The following GLB1 variants were observed in gnomAD, a reference collection of about 807,000 sequenced individuals.
The protein encoded by GLB1 is beta-galactosidase.
In GLB1, 56 loss-of-function variants were observed where a neutral mutation model predicts 74.0. The ratio of observed to expected loss-of-function variants is 0.76; its 90% CI spans 0.61 to 0.94. The LOEUF (loss-of-function observed/expected upper bound fraction) is 0.94. Among genes scored for constraint, GLB1 ranks in the 40% least tolerant of loss-of-function variants. The pLI is 0.00. For missense variants in GLB1, 787 were observed against 845.5 expected (o/e 0.93, Z 0.86); for synonymous variants, 323 against 323.6 (o/e 1.00, Z 0.02).
At chr3:33,072,854 C>G in intron 1 of GLB1, 141 bp from the exon 2 acceptor site, 2 of 1,378,422 alleles carry the variant, frequency 1.5e-6, no homozygotes, top group Non-Finnish European at 2.0e-6. Context: ...TCTGAGCTAT[C>G]ATACAAACCA....
intron 10 of GLB1, chr3:33,030,764 G>A (rs1333706827): frequency 6.1e-6 from 6 of 985,210 alleles, no homozygotes; most frequent in African/African-American, 1.7e-5. Context: ...AATTTCTACA[G>A]TGACCCATTT....
intron 1 of GLB1, chr3:33,090,722 CT>C (rs1420074617): frequency 1.0e-6 from 1 of 985,268 alleles, no homozygotes; most frequent in Admixed American, 6.2e-5. Context: ...GAAATTTCTG[CT>C]GCAAAAATGT....
intron 6 of GLB1, among the ~76,000 whole-genome samples, chr3:33,055,186 G>A (rs1188260362): frequency 6.6e-6 from 1 of 152,168 alleles, no homozygotes; most frequent in Non-Finnish European, 1.5e-5. Flanking sequence ...CAGACTGGAG[G>A]GCCCATCTGC....
Position 32,997,178 on chromosome 3 carries a change from C to T in GLB1, c.1901G>A (p.Cys634Tyr). The T allele has an allele frequency of 1.1e-5, 18 of 1,614,158 alleles. No homozygotes were observed. The highest frequency in any genetic ancestry group is 1.5e-5 in the Non-Finnish European group (18 of 1,180,032). ...APCSSDDPEL[C>Y]AVTFVDRPVI... Reference sequence around the variant, plus strand: ...TGGCCTGTCCACGAACGTCACAGCACATAGTTCTGGATCATCACTGCTGCA... The same window carrying T: ...TGGCCTGTCCACGAACGTCACAGCATATAGTTCTGGATCATCACTGCTGCA... The change falls in exon 16 of 16, where the codon TGT (cysteine) becomes TAT (tyrosine). Residue 634 changes from cysteine to tyrosine, a missense_variant. Physicochemically the swap from Cys to Tyr is radical, Grantham distance 194. Coordinates refer to ENST00000307363, the MANE Select transcript of GLB1 (RefSeq NM_000404.4).
intron 15 of GLB1, among the ~76,000 whole-genome samples, chr3:33,000,924 C>T (rs1230910541): frequency 6.6e-6 from 1 of 152,134 alleles, no homozygotes; most frequent in Non-Finnish European, 1.5e-5. Context: ...GCTGCAGCCT[C>T]CTCACAGTCT....
chr3:32,982,454 T>C, the GLB1 span, among the ~76,000 whole-genome samples: 1 of 151,922 alleles, frequency 6.6e-6, no homozygotes, highest in South Asian at 2.1e-4. Context: ...CCTTTGCCCT[T>C]ATTACAGACA....
At chr3:33,015,297 C>T (rs761272798) in intron 14 of GLB1, among the ~76,000 whole-genome samples, 1 of 152,174 alleles carries the variant, frequency 6.6e-6, no homozygotes, top group Admixed American at 6.5e-5. Context: ...CAGGGAGGAC[C>T]ACACCCGAGT....
At chr3:33,032,216 T>C (rs1698078657) in intron 10 of GLB1, among the ~76,000 whole-genome samples, 1 of 152,188 alleles carries the variant, frequency 6.6e-6, no homozygotes, top group Admixed American at 6.5e-5. Flanking sequence ...GCTCCCCATG[T>C]GCAGTCTCAA....
chr3:33,014,391 GA>G (rs755911393), intron 14 of GLB1, 81 bp from the exon 15 acceptor site: 24 of 1,571,276 alleles, frequency 1.5e-5, no homozygotes, highest in Non-Finnish European at 2.1e-5. Flanking sequence ...AGGGAAATGG[GA>G]AAAGCAAACC....
At chr3:33,041,752 AACT>A (rs1255214611) in intron 10 of GLB1, among the ~76,000 whole-genome samples, 2 of 152,088 alleles carry the variant, frequency 1.3e-5, no homozygotes, top group Admixed American at 1.3e-4. Flanking sequence ...GAATTAATAT[AACT>A]TGCTTACTAA....
intron 9 of GLB1, among the ~76,000 whole-genome samples, chr3:33,047,574 T>C (rs1045320412): frequency 6.6e-6 from 1 of 152,214 alleles, no homozygotes; most frequent in Non-Finnish European, 1.5e-5. Flanking sequence ...GAGAATGAAG[T>C]TATTTTAGGA....
chr3:33,038,972 A>C (rs925164988), intron 10 of GLB1, among the ~76,000 whole-genome samples: 2 of 152,128 alleles, frequency 1.3e-5, no homozygotes, highest in African/African-American at 4.8e-5. Context: ...ATAGGAGACA[A>C]CACTATCTGA....
intron 10 of GLB1, among the ~76,000 whole-genome samples, chr3:33,035,249 T>C (rs1302200794): frequency 6.6e-6 from 1 of 151,846 alleles, no homozygotes; most frequent in Non-Finnish European, 1.5e-5. Context: ...CCGGGCAACA[T>C]AGGGAGACTC....
intron 15 of GLB1, among the ~76,000 whole-genome samples, chr3:33,012,702 C>G (rs1260384349): frequency 1.3e-5 from 2 of 152,170 alleles, no homozygotes; most frequent in Non-Finnish European, 2.9e-5. Flanking sequence ...AAGCCTAAGT[C>G]CCCTTCTGAA....
At chr3:33,041,031 C>T (rs773390985) in intron 10 of GLB1, among the ~76,000 whole-genome samples, 4 of 152,016 alleles carry the variant, frequency 2.6e-5, no homozygotes, top group Admixed American at 1.3e-4. Context: ...AAAGAGATTA[C>T]GAGCTGTGAA....
chr3:32,964,368 G>A, the GLB1 span, among the ~76,000 whole-genome samples: 7 of 152,192 alleles, frequency 4.6e-5, no homozygotes, highest in African/African-American at 1.2e-4. Context: ...GAGGGAGTTC[G>A]TGCAGTGGAC....
Position 33,034,600 on chromosome 3 carries a change from G to T in GLB1, c.1069-10275C>A, listed in dbSNP as rs1022939760. On this transcript the variant is annotated intron_variant, in intron 10 of 15. Coordinates refer to ENST00000307363, the MANE Select transcript of GLB1 (RefSeq NM_000404.4). ...GTGATGATGCCTTGGGAAATATATG[G>T]TCTCCCAAATTGCTGCACAAGTTCA... is the stretch of plus-strand genomic sequence containing the variant. 1.7e-4 allele frequency: 121 copies of T among 718,448 alleles called. 1 individual carries two copies. In the Admixed American group the frequency reaches 2.3e-3, roughly 13 times the overall value. The allele number at this position is 718,448 out of a possible 1,614,324, so 44.5% of individuals were successfully genotyped here.
intron 9 of GLB1, among the ~76,000 whole-genome samples, chr3:33,046,638 G>A (rs1048842351): frequency 3.3e-5 from 5 of 152,088 alleles, no homozygotes; most frequent in African/African-American, 7.2e-5. Context: ...ACTTTTTCAC[G>A]TCCTCAAGCT....
At chr3:33,075,448 C>G in intron 1 of GLB1, among the ~76,000 whole-genome samples, 1 of 152,176 alleles carries the variant, frequency 6.6e-6, no homozygotes, top group East Asian at 1.9e-4. Flanking sequence ...TGACCTCAGT[C>G]TAGTCTAAAT....
Sources: gnomAD v4.1 joint callset for allele counts (sites outside exome capture counted in the v4.1 genomes callset) on GRCh38, gnomAD v4.1.1 for gene constraint, MANE v1.5 for transcripts, NCBI Gene and HGNC (gene_info 2026-07-23, HGNC 2026-07-21) for gene names.